The following PSMA2 variants were observed in gnomAD, a reference collection of about 807,000 sequenced individuals.
PSMA2 encodes the protein proteasome subunit alpha type-2.
Under a neutral mutation model 35.9 loss-of-function variants are expected in PSMA2, and 2 were observed. The ratio of observed to expected loss-of-function variants is 0.06; its 90% CI spans 0.02 to 0.18. The LOEUF (loss-of-function observed/expected upper bound fraction) is 0.18, where lower values mean the gene tolerates loss of function less well. Among genes scored for constraint, PSMA2 ranks in the 10% least tolerant of loss-of-function variants. PSMA2 has a pLI of 1.00. For missense variants in PSMA2, 126 were observed against 278.8 expected (o/e 0.45, Z 3.90); for synonymous variants, 97 against 98.2 (o/e 0.99, Z 0.07).
chr7:42,930,587 A>G (rs1475658224), intron 1 of PSMA2, among the ~76,000 whole-genome samples: 1 of 152,050 alleles, frequency 6.6e-6, no homozygotes, highest in East Asian at 1.9e-4. Context: ...TTGTTATAAA[A>G]AGATTCAGTC....
intron 1 of PSMA2, among the ~76,000 whole-genome samples, chr7:42,929,534 A>C (rs921672502): frequency 2.6e-5 from 4 of 152,164 alleles, no homozygotes; most frequent in African/African-American, 9.7e-5. Context: ...AACCATCTTT[A>C]TATTCCATAA....
At chr7:42,922,760 A>C (rs1786145080) in intron 5 of PSMA2, among the ~76,000 whole-genome samples, 1 of 152,310 alleles carries the variant, frequency 6.6e-6, no homozygotes, top group East Asian at 1.9e-4. Flanking sequence ...ATCATTTCCT[A>C]ATCTTGAATT....
chr7:42,919,239 T>C, intron 6 of PSMA2: 1 of 620,934 alleles, frequency 1.6e-6, no homozygotes, highest in South Asian at 1.4e-5. Context: ...CTGTCTGGAA[T>C]GCAACACTGA....
intron 2 of PSMA2, among the ~76,000 whole-genome samples, chr7:42,926,922 G>A (rs1786225734): frequency 6.6e-6 from 1 of 152,152 alleles, no homozygotes; most frequent in Admixed American, 6.5e-5. Flanking sequence ...AGCACTCTAA[G>A]GATACCTGAG....
chr7:42,920,780 T>C (rs1040850843), intron 6 of PSMA2: 5 of 152,206 alleles, frequency 3.3e-5, no homozygotes, highest in African/African-American at 9.6e-5. Context: ...TGAAGGCTCA[T>C]CTGTTAAACG....
At chr7:42,920,665 TAA>T (rs1786113344) in intron 6 of PSMA2, 1 of 152,160 alleles carries the variant, frequency 6.6e-6, no homozygotes, top group Non-Finnish European at 1.5e-5. Flanking sequence ...CATTAATATA[TAA>T]AAGAAAAATG....
At chr7:42,917,949 A>C (rs538642502) in intron 6 of PSMA2, 114 bp from the exon 7 acceptor site, 1 of 706,152 alleles carries the variant, frequency 1.4e-6, no homozygotes, top group South Asian at 2.3e-5. Flanking sequence ...TAAAAATACT[A>C]AATTACACAT....
At chr7:42,928,400 A>G (rs889119125) in intron 1 of PSMA2, among the ~76,000 whole-genome samples, 6 of 152,200 alleles carry the variant, frequency 3.9e-5, no homozygotes, top group African/African-American at 1.2e-4. Context: ...GCCTAAGACA[A>G]TAAGACCTAG....
intron 5 of PSMA2, 23 bp downstream of exon 5, chr7:42,923,302 C>T (rs1786155976): frequency 6.4e-7 from 1 of 1,552,148 alleles, no homozygotes; most frequent in Admixed American, 1.7e-5. Flanking sequence ...ACAAATCCCT[C>T]AAATACATTA....
intron 5 of PSMA2, among the ~76,000 whole-genome samples, chr7:42,922,965 C>A (rs558160957): frequency 6.6e-6 from 1 of 152,248 alleles, no homozygotes; most frequent in South Asian, 2.1e-4. Context: ...TCAAGTCAGC[C>A]CCAAGATTCA....
rs1018957477 is a variant in PSMA2 at position 42,917,443 on chromosome 7, G to A, written c.*131C>T. On this transcript the variant is annotated 3_prime_UTR_variant, in exon 8 of 8. Coordinates refer to ENST00000223321, the MANE Select transcript of PSMA2 (RefSeq NM_002787.5). ...TAACAGTTTATTAGGATTTATAAGT[G>A]TCATTTTAAAAACAGTCGATTTAAA... is the stretch of plus-strand genomic sequence containing the variant. The A allele has an allele frequency of 1.2e-5, 8 of 686,750 alleles. No homozygotes were observed. 42.5% of individuals were successfully genotyped at this position (686,750 alleles called of 1,614,324 possible). A position where few individuals can be genotyped will look rare whatever the true frequency, so the allele number is the denominator to read the frequency against.
intron 1 of PSMA2, among the ~76,000 whole-genome samples, chr7:42,928,515 C>A (rs990425665): frequency 6.6e-6 from 1 of 152,138 alleles, no homozygotes; most frequent in Non-Finnish European, 1.5e-5. Context: ...GGTAGCTAAA[C>A]GCAAGTCTCA....
At chr7:42,931,125 T>C (rs1268750372) in intron 1 of PSMA2, 1 of 450,530 alleles carries the variant, frequency 2.2e-6, no homozygotes, top group Non-Finnish European at 4.5e-6. Context: ...GTTTAATTTG[T>C]ACAAGCTGCG....
At chr7:42,930,350 T>C (rs1393068149) in intron 1 of PSMA2, among the ~76,000 whole-genome samples, 1 of 152,032 alleles carries the variant, frequency 6.6e-6, no homozygotes, top group Non-Finnish European at 1.5e-5. Context: ...TCCTAAACTC[T>C]TGGGTTCAAG....
chr7:42,931,887 A>C (rs1786319454), intron 1 of PSMA2, among the ~76,000 whole-genome samples: 1 of 105,376 alleles, frequency 9.5e-6, no homozygotes, highest in African/African-American at 3.5e-5. Context: ...CCGCAGCCCC[A>C]TGTTAACCCC....
intron 3 of PSMA2, among the ~76,000 whole-genome samples, chr7:42,925,283 A>G (rs538802844): frequency 4.9e-4 from 75 of 152,362 alleles, no homozygotes; most frequent in African/African-American, 1.7e-3. Flanking sequence ...CTAAAAATGT[A>G]AAATTCGGCT....
At chr7:42,921,218 G>C (rs570023255) in intron 6 of PSMA2, 82 of 152,298 alleles carry the variant, frequency 5.4e-4, no homozygotes, top group African/African-American at 1.8e-3. Flanking sequence ...ATTTGACACT[G>C]TATACAGGTA....
chr7:42,927,483 T>G, intron 1 of PSMA2, 24 bp from the exon 2 acceptor site: 4 of 1,584,456 alleles, frequency 2.5e-6, no homozygotes, highest in Non-Finnish European at 3.5e-6. Context: ...CAGGTATTTG[T>G]AAGTTCACAT....
chr7:42,930,023 T>C (rs1465287855), intron 1 of PSMA2, among the ~76,000 whole-genome samples: 1 of 152,182 alleles, frequency 6.6e-6, no homozygotes, highest in Non-Finnish European at 1.5e-5. Flanking sequence ...AGTAAGAGAA[T>C]GTATTAGTAG....
Sources: allele counts gnomAD v4.1 joint callset (sites outside exome capture counted in the v4.1 genomes callset), GRCh38; gene constraint gnomAD v4.1.1; transcripts MANE v1.5; gene names NCBI Gene and HGNC (gene_info 2026-07-23, HGNC 2026-07-21).